Variants in ELMO2 observed in about 807,000 individuals in gnomAD.
ELMO2 encodes the protein engulfment and cell motility protein 2.
In ELMO2, 37 loss-of-function variants were observed where a neutral mutation model predicts 96.2. The ratio of observed to expected loss-of-function variants is 0.38; its 90% CI spans 0.30 to 0.51. The LOEUF is 0.51. Ranked by LOEUF, ELMO2 falls within the 20% of genes least tolerant of loss-of-function variation. ELMO2 has a pLI of 0.88. For missense variants in ELMO2, 561 were observed against 912.6 expected (o/e 0.61, Z 4.96); for synonymous variants, 315 against 329.4 (o/e 0.96, Z 0.47).
At chr20:46,380,153 G>A in intron 11 of ELMO2, 100 bp downstream of exon 11, 1 of 1,021,724 alleles carries the variant, frequency 9.8e-7, no homozygotes, top group South Asian at 1.5e-5. Context: ...TCCTCTGTGT[G>A]TCCTCCTCAC....
At chr20:46,379,815 C>A (rs191144314) in intron 11 of ELMO2, 1 of 156,728 alleles carries the variant, frequency 6.4e-6, no homozygotes, top group Admixed American at 6.2e-5. Context: ...GATCACACCC[C>A]ACTATGATCA....
chr20:46,373,292 C>T, intron 16 of ELMO2, 107 bp downstream of exon 16: 4 of 1,499,502 alleles, frequency 2.7e-6, no homozygotes, highest in Non-Finnish European at 3.6e-6. Flanking sequence ...TTCTGCAGAC[C>T]AAGCTGCTTT....
intron 11 of ELMO2, among the ~76,000 whole-genome samples, chr20:46,379,683 C>T (rs879753791): frequency 2.6e-5 from 4 of 152,070 alleles, no homozygotes; most frequent in Admixed American, 2.6e-4. Context: ...CTGTTATTCC[C>T]GGTCTGCCTA....
At chr20:46,379,263 G>A (rs1391504280) in intron 11 of ELMO2, among the ~76,000 whole-genome samples, 1 of 152,004 alleles carries the variant, frequency 6.6e-6, no homozygotes, top group African/African-American at 2.4e-5. Flanking sequence ...CAAAATGCTG[G>A]GATTACAGGT....
chr20:46,385,103 C>T (rs1468127347), intron 9 of ELMO2, among the ~76,000 whole-genome samples: 4 of 152,184 alleles, frequency 2.6e-5, no homozygotes, highest in African/African-American at 9.7e-5. Flanking sequence ...GACAGGGCCA[C>T]TATAAACTCC....
chr20:46,376,627 C>T (rs778914995), intron 11 of ELMO2: 22 of 1,289,254 alleles, frequency 1.7e-5, no homozygotes, highest in African/African-American at 3.0e-5. Flanking sequence ...TGTCTCTCAC[C>T]ATCCTGTCCT....
intron 1 of ELMO2, among the ~76,000 whole-genome samples, chr20:46,402,253 C>T (rs2060348639): frequency 6.6e-6 from 1 of 152,056 alleles, no homozygotes; most frequent in Non-Finnish European, 1.5e-5. Flanking sequence ...ATCTACTCTT[C>T]CCCCAGTTTG....
intron 1 of ELMO2, among the ~76,000 whole-genome samples, chr20:46,406,194 C>A (rs988368262): frequency 6.6e-6 from 1 of 152,014 alleles, no homozygotes; most frequent in Non-Finnish European, 1.5e-5. Flanking sequence ...CCAGCCCTCT[C>A]CTTGCCGCCC....
chr20:46,372,620 A>C (rs1373705452), intron 16 of ELMO2, among the ~76,000 whole-genome samples: 1 of 152,196 alleles, frequency 6.6e-6, no homozygotes, highest in Non-Finnish European at 1.5e-5. Flanking sequence ...GACAAGAGTG[A>C]AACTCTGTCT....
intron 16 of ELMO2, 25 bp downstream of exon 16, chr20:46,373,374 C>T: frequency 6.2e-7 from 1 of 1,613,676 alleles, no homozygotes; most frequent in South Asian, 1.1e-5. Context: ...TCCCGTGGGC[C>T]TCAGAGCAGC....
chr20:46,373,944 T>G (rs1391500484), intron 15 of ELMO2, among the ~76,000 whole-genome samples: 1 of 151,240 alleles, frequency 6.6e-6, no homozygotes, highest in East Asian at 1.9e-4. Context: ...TTTTTTTTTT[T>G]TTTAAGATAG....
intron 1 of ELMO2, among the ~76,000 whole-genome samples, chr20:46,403,110 G>A (rs1489933153): frequency 6.6e-6 from 1 of 152,214 alleles, no homozygotes; most frequent in Non-Finnish European, 1.5e-5. Flanking sequence ...GTGTGAACCT[G>A]AAGAAACTGC....
At chr20:46,393,015 G>T in intron 6 of ELMO2, 78 bp downstream of exon 6, 2 of 1,275,602 alleles carry the variant, frequency 1.6e-6, no homozygotes, top group South Asian at 1.2e-5. Context: ...CTTATTTCTA[G>T]AACAGAGTCT....
intron 4 of ELMO2, 133 bp from the exon 5 acceptor site, chr20:46,393,734 T>A: frequency 9.7e-7 from 1 of 1,028,010 alleles, no homozygotes; most frequent in Non-Finnish European, 1.5e-6. Context: ...AAGCTTTAGG[T>A]TGTCATGTTG....
At chr20:46,400,618 C>T (rs1219347740) in intron 1 of ELMO2, among the ~76,000 whole-genome samples, 1 of 152,212 alleles carries the variant, frequency 6.6e-6, no homozygotes, top group East Asian at 1.9e-4. Context: ...TTAAGCATTA[C>T]AGATATAAGG....
intron 9 of ELMO2, 86 bp from the exon 10 acceptor site, chr20:46,383,580 A>G: frequency 3.9e-6 from 5 of 1,272,838 alleles, no homozygotes; most frequent in Non-Finnish European, 5.7e-6. Context: ...ACAATCACTC[A>G]CAGATTATAA....
At chr20:46,381,535 G>A (rs991718743) in intron 10 of ELMO2, among the ~76,000 whole-genome samples, 1 of 152,198 alleles carries the variant, frequency 6.6e-6, no homozygotes, top group Non-Finnish European at 1.5e-5. Context: ...ATACATACTG[G>A]CTAGCAGAGG....
chr20:46,375,871 A>C lies in ELMO2; in HGVS notation c.808-81T>G. 6.4e-7 allele frequency: 1 copy of C among 1,572,438 alleles called. No individual in the cohort carries two copies. Among genetic ancestry groups the C allele is most frequent in the Non-Finnish European group, 8.7e-7 (1 of 1,152,016 alleles). ...GCCACATCCATGCTAAGGAAAAGGA[A>C]TGTATGTTGGGAAGGGAACAGAGCT... On this transcript the variant is annotated intron_variant, in intron 11 of 21. Transcript: ENST00000290246. This position sits in a 1 kb window ranked among gnomAD's most constrained non-coding sequence, Gnocchi z 4.6.
At chr20:46,369,030 T>C (rs530334366) in intron 20 of ELMO2, 62 bp from the exon 21 acceptor site, 3 of 1,493,510 alleles carry the variant, frequency 2.0e-6, no homozygotes, top group African/African-American at 2.8e-5. Context: ...CATCAAGATC[T>C]TGGCCAAAGT....
Sources: allele counts gnomAD v4.1 joint callset (sites outside exome capture counted in the v4.1 genomes callset), GRCh38; gene constraint gnomAD v4.1.1; non-coding constraint Gnocchi (gnomAD v3.1); transcripts MANE v1.5; gene names NCBI Gene and HGNC (gene_info 2026-07-23, HGNC 2026-07-21).